ARHGAP6: variants seen among roughly 807,000 people sequenced by gnomAD.
ARHGAP6 encodes rho GTPase-activating protein 6.
ARHGAP6 carries 16 observed loss-of-function variants against 55.7 expected under a neutral mutation model. The observed-to-expected ratio is 0.29, with a 90% CI of 0.19 to 0.44. The LOEUF (loss-of-function observed/expected upper bound fraction) is 0.44, where lower values mean the gene tolerates loss of function less well. Among genes scored for constraint, ARHGAP6 ranks in the 20% least tolerant of loss-of-function variants. The pLI is 1.00. For missense variants in ARHGAP6, 698 were observed against 808.9 expected, an observed-to-expected ratio of 0.86 and a Z score of 1.66; for synonymous variants, 382 against 360.9, an observed-to-expected ratio of 1.06 and a Z score of -0.66.
At chrX:11,439,251 T>C (rs887403097) in intron 1 of ARHGAP6, among the ~76,000 whole-genome samples, 1 of 112,652 alleles carries the variant, frequency 8.9e-6, no homozygotes, top group Non-Finnish European at 1.9e-5. Context: ...AGTAAAATTG[T>C]TTTTACATTT....
At chrX:11,564,394 C>T (rs971789520) in intron 1 of ARHGAP6, among the ~76,000 whole-genome samples, 4 of 110,474 alleles carry the variant, frequency 3.6e-5, no homozygotes, top group South Asian at 3.8e-4. Flanking sequence ...AAAGTTAGTA[C>T]CTCAGTTTGC....
chrX:11,429,155 A>C (rs1020160403), intron 1 of ARHGAP6, among the ~76,000 whole-genome samples: 4 of 113,065 alleles, frequency 3.5e-5, no homozygotes, highest in Non-Finnish European at 7.5e-5. Context: ...CTACTGATGC[A>C]CAGAACAAAT....
At chrX:11,541,733 C>T (rs748874203) in intron 1 of ARHGAP6, among the ~76,000 whole-genome samples, 1 of 111,946 alleles carries the variant, frequency 8.9e-6, no homozygotes, top group Admixed American at 9.5e-5. Context: ...AATCCTAGAG[C>T]CACCACTACT....
chrX:11,519,268 C>G (rs1251139521), intron 1 of ARHGAP6, among the ~76,000 whole-genome samples: 97 of 108,098 alleles, frequency 9.0e-4, no homozygotes, highest in African/African-American at 3.2e-3. Context: ...AAAAGTGTTC[C>G]TATTTCTCCA....
At chrX:11,349,607 G>A (rs183156026) in intron 1 of ARHGAP6, among the ~76,000 whole-genome samples, 1 of 111,821 alleles carries the variant, frequency 8.9e-6, no homozygotes, top group Non-Finnish European at 1.9e-5. Context: ...ACATTTCAAA[G>A]TATATGTTGA....
At chrX:11,305,987 CTCAAGGCACT>C (rs1216056146) in intron 1 of ARHGAP6, among the ~76,000 whole-genome samples, 1 of 111,922 alleles carries the variant, frequency 8.9e-6, no homozygotes, top group Non-Finnish European at 1.9e-5. Context: ...AAATAACCAA[CTCAAGGCACT>C]TCTGAAGTGA....
chrX:11,272,876 T>C (rs1464336242), intron 1 of ARHGAP6, among the ~76,000 whole-genome samples: 3 of 112,032 alleles, frequency 2.7e-5, no homozygotes, highest in Non-Finnish European at 1.9e-5. Flanking sequence ...TGCAGTGTTA[T>C]AGCACAGTGG....
chrX:11,441,170 GTA>G (rs2050035255), intron 1 of ARHGAP6, among the ~76,000 whole-genome samples: 1 of 111,838 alleles, frequency 8.9e-6, no homozygotes, highest in Non-Finnish European at 1.9e-5. Context: ...AAGGAATTCA[GTA>G]TGACCAAGAG....
intron 2 of ARHGAP6, among the ~76,000 whole-genome samples, chrX:11,238,215 C>T (rs925414067): frequency 1.8e-5 from 2 of 112,485 alleles, no homozygotes; most frequent in African/African-American, 6.5e-5. Context: ...AAAGTGTTTA[C>T]AAATTATGAA....
At chrX:11,487,077 A>C (rs893157923) in intron 1 of ARHGAP6, among the ~76,000 whole-genome samples, 2 of 112,237 alleles carry the variant, frequency 1.8e-5, no homozygotes, top group African/African-American at 6.5e-5. Context: ...AGAAATGTTC[A>C]TGTGGTACTA....
chrX:11,496,117 A>C (rs2050619584), intron 1 of ARHGAP6, among the ~76,000 whole-genome samples: 1 of 112,572 alleles, frequency 8.9e-6, no homozygotes, highest in South Asian at 3.7e-4. Flanking sequence ...GAAGCAAAGA[A>C]ATCAGCTAAA....
chrX:11,477,866 T>C (rs768990536), intron 1 of ARHGAP6, among the ~76,000 whole-genome samples: 12 of 111,879 alleles, frequency 1.1e-4, no homozygotes, highest in East Asian at 2.8e-4. Context: ...GGAAGGGGCA[T>C]GAAGAGTTTC....
At chrX:11,595,390 T>C (rs5935119) in intron 1 of ARHGAP6, among the ~76,000 whole-genome samples, 36,989 of 109,109 alleles carry the variant, frequency 0.34, 5,176 homozygotes, top group African/African-American at 0.51. Flanking sequence ...AAACTGAAAC[T>C]GGACCCCTTC....
intron 2 of ARHGAP6, among the ~76,000 whole-genome samples, chrX:11,234,368 A>G (rs2047171304): frequency 8.9e-6 from 1 of 112,073 alleles, no homozygotes; most frequent in Non-Finnish European, 1.9e-5. Context: ...TCACTTGCAT[A>G]TTTGGAGCCT....
intron 1 of ARHGAP6, among the ~76,000 whole-genome samples, chrX:11,547,804 G>C (rs1253274185): frequency 1.8e-5 from 2 of 112,100 alleles, no homozygotes; most frequent in Non-Finnish European, 3.8e-5. Context: ...AAAAGGTGAG[G>C]AACCACTGAT....
chrX:11,204,726 C>G (rs191193123), intron 2 of ARHGAP6, among the ~76,000 whole-genome samples: 136 of 112,018 alleles, frequency 1.2e-3, no homozygotes, highest in Non-Finnish European at 1.6e-3. Flanking sequence ...CTCCAGCTAC[C>G]TACTTAGTCT....
At chrX:11,446,338 G>T (rs1255226864) in intron 1 of ARHGAP6, among the ~76,000 whole-genome samples, 1 of 111,395 alleles carries the variant, frequency 9.0e-6, no homozygotes, top group Admixed American at 9.5e-5. Context: ...TGTTCCAAGT[G>T]AAAAATTCAG....
intron 1 of ARHGAP6, chrX:11,265,751 G>A: frequency 1.1e-6 from 1 of 923,601 alleles, no homozygotes; most frequent in East Asian, 9.3e-5. Flanking sequence ...GCTTGCAGTA[G>A]GAAGTTGAGT....
chrX:11,219,340 A>G (rs971081927), intron 2 of ARHGAP6, among the ~76,000 whole-genome samples: 1 of 103,526 alleles, frequency 9.7e-6, no homozygotes, highest in Admixed American at 1.0e-4. Context: ...TAATGCCACA[A>G]TAAACATACG....
Sources: gnomAD v4.1 joint callset for allele counts (sites outside exome capture counted in the v4.1 genomes callset) on GRCh38, gnomAD v4.1.1 for gene constraint, MANE v1.5 for transcripts, NCBI Gene and HGNC (gene_info 2026-07-23, HGNC 2026-07-21) for gene names.